The following HERC5 variants were observed in gnomAD, a reference collection of about 807,000 sequenced individuals.
The protein encoded by HERC5 is E3 ISG15--protein ligase HERC5.
HERC5 carries 99 observed loss-of-function variants against 119.6 expected under a neutral mutation model. That is an observed-to-expected ratio of 0.83 (90% CI 0.70 to 0.98). The LOEUF is 0.98. HERC5 is among the 50% of genes least tolerant of loss of function. The probability of loss-of-function intolerance (pLI) is 0.00; values close to 1 mark genes in which losing one functional copy is unlikely to be tolerated. For synonymous variants in HERC5, 478 were observed against 445.9 expected (o/e 1.07, Z -0.91); for missense variants, 1,267 against 1,241.3 (o/e 1.02, Z -0.31).
At chr4:88,504,968 A>G (rs1578071876) in intron 22 of HERC5, among the ~76,000 whole-genome samples, 2 of 152,166 alleles carry the variant, frequency 1.3e-5, no homozygotes, top group Admixed American at 6.6e-5. Context: ...ATTACTGTAC[A>G]CAGCTATTTT....
At chr4:88,475,007 A>G (rs1348898306) in intron 11 of HERC5, among the ~76,000 whole-genome samples, 1 of 152,118 alleles carries the variant, frequency 6.6e-6, no homozygotes, top group Non-Finnish European at 1.5e-5. Flanking sequence ...TGGGGAAACT[A>G]TAAGGAAATT....
chr4:88,494,406 A>G (rs1741741870), intron 18 of HERC5, 75 bp downstream of exon 18: 3 of 1,193,708 alleles, frequency 2.5e-6, no homozygotes, highest in African/African-American at 3.2e-5. Flanking sequence ...CACACGCTTC[A>G]TAATATTTCC....
At chr4:88,476,104 A>C in intron 12 of HERC5, 74 bp downstream of exon 12, 1 of 1,164,626 alleles carries the variant, frequency 8.6e-7, no homozygotes, top group Non-Finnish European at 1.2e-6. Context: ...TTATGGCAAA[A>C]CTAAGATACT....
intron 5 of HERC5, 26 bp downstream of exon 5, chr4:88,463,649 G>C (rs946799901): frequency 2.5e-5 from 40 of 1,585,240 alleles, no homozygotes; most frequent in Non-Finnish European, 3.4e-5. Flanking sequence ...TCTCTTTTTG[G>C]CTGTATTTTT....
intron 8 of HERC5, among the ~76,000 whole-genome samples, chr4:88,468,627 A>C (rs1201712230): frequency 6.6e-6 from 1 of 152,206 alleles, no homozygotes; most frequent in Non-Finnish European, 1.5e-5. Context: ...GTGAATGTCT[A>C]ATCAGTGTGA....
chr4:88,501,983 A>G (rs190681806), intron 20 of HERC5, among the ~76,000 whole-genome samples: 62 of 152,294 alleles, frequency 4.1e-4, no homozygotes, highest in Non-Finnish European at 7.8e-4. Context: ...TATTTTTAGT[A>G]GAGACAGGGT....
intron 18 of HERC5, among the ~76,000 whole-genome samples, chr4:88,499,480 G>A (rs1208579918): frequency 6.6e-6 from 1 of 152,188 alleles, no homozygotes; most frequent in Non-Finnish European, 1.5e-5. Flanking sequence ...TAAGCTTGAT[G>A]ATATTGGGAC....
chr4:88,501,766 T>C (rs1741953187), intron 20 of HERC5, among the ~76,000 whole-genome samples: 1 of 152,180 alleles, frequency 6.6e-6, no homozygotes, highest in Admixed American at 6.5e-5. Flanking sequence ...TAGTTGTGTA[T>C]TGTATGAATA....
At position 88,467,086 on chromosome 4, in the gene HERC5, T is replaced by C; in HGVS notation, c.939T>C (p.Asp313=). The change falls in exon 7 of 23, where the codon GAT becomes GAC. Residue 313 remains aspartate (D), a synonymous_variant. Transcript: ENST00000264350. ...GRWHTLAYVS[D]LGKVFSFGSG... is the part of the protein sequence containing the mutation. Reference sequence around the variant, plus strand: ...GGCACACACTTGCCTATGTTTCTGATTTGGGAAAGGTCTTTTCCTTTGGTT... The same window carrying C: ...GGCACACACTTGCCTATGTTTCTGACTTGGGAAAGGTCTTTTCCTTTGGTT... The C allele has an allele frequency of 6.2e-7, 1 of 1,614,154 alleles. No individual in the cohort carries two copies. The highest frequency in any genetic ancestry group is 8.5e-7 in the Non-Finnish European group (1 of 1,180,006).
At chr4:88,483,573 G>A (rs1259088009) in intron 13 of HERC5, among the ~76,000 whole-genome samples, 2 of 143,578 alleles carry the variant, frequency 1.4e-5, no homozygotes, top group Admixed American at 7.3e-5. Flanking sequence ...CTGTTGCTCA[G>A]GCTGGAGTGC....
intron 13 of HERC5, 78 bp from the exon 14 acceptor site, chr4:88,486,037 C>A: frequency 1.3e-6 from 1 of 751,126 alleles, no homozygotes; most frequent in Non-Finnish European, 2.2e-6. Context: ...ATAATTTAAT[C>A]TGATAATCTA....
At chr4:88,464,146 C>T (rs1049244921) in intron 6 of HERC5, among the ~76,000 whole-genome samples, 161 bp downstream of exon 6, 4 of 144,440 alleles carry the variant, frequency 2.8e-5, no homozygotes, top group African/African-American at 5.1e-5. Flanking sequence ...ACCCCTTTTA[C>T]TATACATGGT....
At chr4:88,462,465 C>T in intron 4 of HERC5, 109 bp downstream of exon 4, 2 of 861,628 alleles carry the variant, frequency 2.3e-6, no homozygotes, top group East Asian at 2.6e-5. Flanking sequence ...ATTTTCACTG[C>T]TCTTCCTGAT....
intron 8 of HERC5, 104 bp from the exon 9 acceptor site, chr4:88,469,053 A>G (rs1383131305): frequency 6.1e-6 from 4 of 660,764 alleles, no homozygotes; most frequent in Non-Finnish European, 1.1e-5. Context: ...GCTGTATTAC[A>G]CATATTTAAA....
At chr4:88,485,782 A>G (rs1429680082) in intron 13 of HERC5, among the ~76,000 whole-genome samples, 5 of 152,102 alleles carry the variant, frequency 3.3e-5, no homozygotes, top group Non-Finnish European at 7.4e-5. Context: ...ATTAAGTCCT[A>G]AAGACTAAGA....
At chr4:88,473,279 C>CTTCT (rs1222612647) in intron 11 of HERC5, 1 of 151,504 alleles carries the variant, frequency 6.6e-6, no homozygotes, top group East Asian at 1.9e-4. Context: ...ACTGTAGTTC[C>CTTCT]TTCTTTCTTT....
chr4:88,504,039 C>T (rs1742029282), intron 20 of HERC5, among the ~76,000 whole-genome samples, 193 bp from the exon 21 acceptor site: 1 of 151,602 alleles, frequency 6.6e-6, no homozygotes, highest in African/African-American at 2.4e-5. Context: ...TGCATTCCAG[C>T]CCAGGTGACA....
chr4:88,504,081 A>G, intron 20 of HERC5, 151 bp from the exon 21 acceptor site: 1 of 458,490 alleles, frequency 2.2e-6, no homozygotes, highest in Non-Finnish European at 3.8e-6. Flanking sequence ...AAAAAAAAAA[A>G]TTACATTAGA....
Position 88,505,695 on chromosome 4 carries a change from A to T in HERC5, c.2892A>T (p.Arg964Ser). ...KFLVFLTGTD[R>S]LQMKDLNNMK... Reference sequence around the variant, plus strand: ...TAGTATTTCTTACAGGAACTGACAGACTACAAATGAAAGATTTAAATAATA... The same window carrying T: ...TAGTATTTCTTACAGGAACTGACAGTCTACAAATGAAAGATTTAAATAATA... Residue 964 changes from arginine (R) to serine (S), a missense_variant, in exon 23 of 23, where the codon AGA (arginine) becomes AGT (serine). By Grantham distance (110) the Arg-to-Ser change is moderately radical. This residue lies in a region of HERC5 where 473 missense variants were observed against 445.7 expected (regional missense o/e 1.06). Coordinates refer to ENST00000264350, the MANE Select transcript of HERC5 (RefSeq NM_016323.4). The T allele has an allele frequency of 1.9e-6, 3 of 1,577,402 alleles. No homozygotes were observed. The highest frequency in any genetic ancestry group is 2.6e-6 in the Non-Finnish European group (3 of 1,149,492).
Sources: allele counts gnomAD v4.1 joint callset (sites outside exome capture counted in the v4.1 genomes callset), GRCh38; gene constraint gnomAD v4.1.1; regional missense constraint gnomAD v4.1.1; transcripts MANE v1.5; gene names NCBI Gene and HGNC (gene_info 2026-07-23, HGNC 2026-07-21).